CCDC27: variants seen among roughly 807,000 people sequenced by gnomAD.
The protein encoded by CCDC27 is coiled-coil domain-containing protein 27.
Under a neutral mutation model 80.3 loss-of-function variants are expected in CCDC27, and 80 were observed. The observed-to-expected ratio is 1.00, with a 90% CI of 0.83 to 1.20. The LOEUF (loss-of-function observed/expected upper bound fraction) is 1.20. Ranked by LOEUF, CCDC27 falls within the 50% of genes most tolerant of loss-of-function variation. The pLI is 0.00. For missense variants in CCDC27, 815 were observed against 809.4 expected, an observed-to-expected ratio of 1.01 and a Z score of -0.08; for synonymous variants, 342 against 334.3, an observed-to-expected ratio of 1.02 and a Z score of -0.25.
At chr1:3,757,921 CAA>C (rs779579669) in intron 4 of CCDC27, among the ~76,000 whole-genome samples, 38 of 68,062 alleles carry the variant, frequency 5.6e-4, no homozygotes, top group Non-Finnish European at 4.8e-4. Context: ...GACTCCATCT[CAA>C]AAAAAAAAAA....
Position 3,760,243 on chromosome 1 carries a change from A to C in CCDC27, c.712-1038A>C, listed in dbSNP as rs1643054802. 6.6e-6 allele frequency among the ~76,000 whole-genome samples: 1 copy of C among 152,156 alleles called. No homozygotes were observed. The highest frequency in any genetic ancestry group is 1.5e-5 in the Non-Finnish European group (1 of 68,026). On this transcript the variant is annotated intron_variant, in intron 4 of 11. Transcript: ENST00000294600. The surrounding 1 kb of genome is among the most constrained non-coding windows in gnomAD (Gnocchi z 4.3). ...TTTGTATTTCAGGCATAAAGTGGTA[A>C]GAATCCATACTACAAAGATTCCCAT... is the stretch of plus-strand genomic sequence containing the variant.
In CCDC27 at chr1:3,768,629, T is replaced by C. The variant is rs1643289155; in HGVS notation, c.1744-1154T>C. Among the ~76,000 whole-genome samples the C allele has an allele frequency of 6.6e-6, 1 of 152,184 alleles. No homozygotes were observed. Among genetic ancestry groups the C allele is most frequent in the South Asian group, 2.1e-4 (1 of 4,828 alleles). ...TGAAAGCGTTAGACCAGAGGCGGTC[T>C]AGGTGTGTCCATTTGTGCGCCAGCC... On this transcript the variant is annotated intron_variant, in intron 10 of 11. Transcript: ENST00000294600. This position sits in a 1 kb window ranked among gnomAD's most constrained non-coding sequence, Gnocchi z 5.6.
chr1:3,757,105 A>G, intron 4 of CCDC27: 1 of 498,682 alleles, frequency 2.0e-6, no homozygotes, highest in Non-Finnish European at 3.6e-6. Flanking sequence ...TTACGCCGGC[A>G]TGGAACTCAG....
At chr1:3,755,794 T>TA (rs1642938663) in intron 3 of CCDC27, 1 of 528,984 alleles carries the variant, frequency 1.9e-6, no homozygotes, top group Non-Finnish European at 3.4e-6. Flanking sequence ...TTGTCTTTAG[T>TA]AAAAATCGTA....
In CCDC27 at chr1:3,766,393, C is replaced by T. The variant is rs903658451; in HGVS notation, c.1453-142C>T. On this transcript the variant is annotated intron_variant, in intron 8 of 11. Transcript: ENST00000294600. The surrounding 1 kb of genome is among the most constrained non-coding windows in gnomAD (Gnocchi z 6.1). The stretch of plus-strand genomic sequence containing the variant: ...CAAAATATTTTTAGTCCTTTTTCTT[C>T]TTCTCTTCTCCCTGCCTTCAATAGA... 8.4e-6 allele frequency: 5 copies of T among 596,840 alleles called. No individual in the cohort carries two copies. In the African/African-American group the frequency reaches 9.4e-5, roughly 11 times the overall value. The allele number at this position is 596,840 out of a possible 1,614,324, so 37.0% of individuals were successfully genotyped here. A position where few individuals can be genotyped will look rare whatever the true frequency, so the allele number is the denominator to read the frequency against.
rs935670828 is a variant in CCDC27, at chr1:3,763,610, C to T, written c.1322-96C>T. On this transcript the variant is annotated intron_variant, in intron 7 of 11. Transcript: ENST00000294600. The surrounding 1 kb of genome is among the most constrained non-coding windows in gnomAD (Gnocchi z 7.5). ...GTGTCGGCAGCCTCACCCAGGCTGGCAGAGCCCTCCCAGCTGCCGCAGTGG... is the reference window on the plus strand; with the variant it reads ...GTGTCGGCAGCCTCACCCAGGCTGGTAGAGCCCTCCCAGCTGCCGCAGTGG... 5.1e-6 allele frequency: 8 copies of T among 1,572,586 alleles called. No homozygotes were observed. Among genetic ancestry groups the T allele is most frequent in the Non-Finnish European group, 6.9e-6 (8 of 1,151,952 alleles).
chr1:3,761,393 G>A lies in CCDC27; in HGVS notation c.824G>A (p.Gly275Asp), dbSNP rs1643082048. ...ATGCAGCTGAAATGCCTTCTGAAAG[G>A]CAAAGGCCAAGAGACATCCATGTCC... Reference protein sequence around the residue: ...LKMQLKCLLKGKGQETSMSPG... With the variant: ...LKMQLKCLLKDKGQETSMSPG... The change falls in exon 5 of 12, where the codon GGC (glycine) becomes GAC (aspartate). Residue 275 changes from glycine to aspartate, a missense_variant. Transcript: ENST00000294600. This position sits in a 1 kb window ranked among gnomAD's most constrained non-coding sequence, Gnocchi z 5.0. 1.9e-6 allele frequency: 3 copies of A among 1,613,976 alleles called. No individual in the cohort carries two copies. The highest frequency in any genetic ancestry group is 2.2e-5 in the South Asian group (2 of 91,090).
At position 3,752,590 on chromosome 1, in the gene CCDC27, C is replaced by G. The variant is rs777961873; in HGVS notation, c.109C>G (p.Leu37Val). The stretch of plus-strand genomic sequence containing the variant: ...GTCCACATTCAGGCAACAAAGCTCA[C>G]TTGGTCTTTGCATCCCACGCCTCAT... ...FRSTFRQQSS[L>V]GLCIPRLMLP... The change falls in exon 1 of 12, where the codon CTT (leucine) becomes GTT (valine). Residue 37 changes from leucine (L) to valine (V), a missense_variant. Physicochemically the swap from Leu to Val is conservative, Grantham distance 32. Coordinates refer to ENST00000294600, the MANE Select transcript of CCDC27 (RefSeq NM_152492.3). 1.9e-6 allele frequency: 3 copies of G among 1,614,224 alleles called. No individual in the cohort carries two copies. The East Asian group carries it at 6.7e-5, about 36-fold the overall frequency.
rs1643148199 is a variant in CCDC27, at chr1:3,763,554, T to C, written c.1321+80T>C. The C allele has an allele frequency of 6.5e-7, 1 of 1,545,976 alleles. No homozygotes were observed. The highest frequency in any genetic ancestry group is 1.4e-5 in the African/African-American group (1 of 73,150). On this transcript the variant is annotated intron_variant, in intron 7 of 11. Coordinates refer to ENST00000294600, the MANE Select transcript of CCDC27 (RefSeq NM_152492.3). The surrounding 1 kb of genome is among the most constrained non-coding windows in gnomAD (Gnocchi z 7.5). ...GGAGCTGGGACGCCCAGACGCTGCC[T>C]GCTCTGGTCAGTGAGCTGGAGCAGG...
intron 11 of CCDC27, among the ~76,000 whole-genome samples, chr1:3,770,869 C>T (rs1298151341): frequency 2.0e-5 from 3 of 152,142 alleles, no homozygotes; most frequent in East Asian, 3.9e-4. Flanking sequence ...TTATTCCCAC[C>T]GCACAGTAGC....
At chr1:3,754,264 G>A (rs770118510) in intron 2 of CCDC27, 23 bp downstream of exon 2, 8 of 1,556,138 alleles carry the variant, frequency 5.1e-6, no homozygotes, top group South Asian at 3.6e-5. Context: ...CACCAGGACC[G>A]CCTGTGAAAC....
chr1:3,752,976 T>C (rs1407345031), intron 1 of CCDC27, among the ~76,000 whole-genome samples, 177 bp downstream of exon 1: 2 of 152,212 alleles, frequency 1.3e-5, no homozygotes, highest in African/African-American at 4.8e-5. Flanking sequence ...GAAAGAGCCC[T>C]GCGGTCCTCT....
chr1:3,752,875 G>C (rs1471648536), intron 1 of CCDC27, 76 bp downstream of exon 1: 31 of 1,468,286 alleles, frequency 2.1e-5, no homozygotes, highest in Admixed American at 6.3e-5. Flanking sequence ...GGCCCATAGA[G>C]CTGTCAGCCC....
Position 3,763,364 on chromosome 1 carries a change from C to G in CCDC27, c.1211C>G (p.Ala404Gly). Residue 404 changes from alanine to glycine, a missense_variant, in exon 7 of 12, where the codon GCC becomes GGC. Physicochemically the swap from Ala to Gly is moderately conservative, Grantham distance 60 (BLOSUM62 0). Transcript: ENST00000294600. The surrounding 1 kb of genome is among the most constrained non-coding windows in gnomAD (Gnocchi z 7.5). ...EIPRRRASSL[A>G]ESFEEELLAQ... Reference sequence around the variant, plus strand: ...CCCAGGAGAAGGGCCTCCTCCCTGGCCGAGTCGTTTGAGGAGGAGCTGCTG... The same window carrying G: ...CCCAGGAGAAGGGCCTCCTCCCTGGGCGAGTCGTTTGAGGAGGAGCTGCTG... 1 of 1,612,964 alleles carries G rather than the reference C, an allele frequency of 6.2e-7. No individual in the cohort carries two copies.
chr1:3,756,697 G>T, intron 3 of CCDC27, 36 bp from the exon 4 acceptor site: 1 of 1,610,930 alleles, frequency 6.2e-7, no homozygotes, highest in Non-Finnish European at 8.5e-7. Context: ...GCAGGGAAGG[G>T]TCTCATTTCT....
intron 3 of CCDC27, chr1:3,755,853 T>C (rs780845673): frequency 2.3e-5 from 9 of 396,688 alleles, no homozygotes; most frequent in Non-Finnish European, 4.3e-5. Flanking sequence ...GATGGGTGCA[T>C]CCCTCACTGT....
In CCDC27 at chr1:3,762,826, G is replaced by C. The variant is rs1272981744; in HGVS notation, c.954+114G>C. 10 of 1,058,698 alleles carry C rather than the reference G, an allele frequency of 9.4e-6. No individual in the cohort carries two copies. In the East Asian group the frequency reaches 2.4e-4, roughly 25 times the overall value. 65.6% of individuals were successfully genotyped at this position (1,058,698 alleles called of 1,614,324 possible). A position where few individuals can be genotyped will look rare whatever the true frequency, so the allele number is the denominator to read the frequency against. ...GTGTCCCTGCTGCAGCCCTGACCTG[G>C]GGTGCCCCACTCCAGGGGAGCAGGT... On this transcript the variant is annotated intron_variant, in intron 6 of 11. Transcript: ENST00000294600.
At position 3,765,932 on chromosome 1, in the gene CCDC27, G is replaced by A. The variant is rs201833187; in HGVS notation, c.1453-603G>A. 7.3e-5 allele frequency among the ~76,000 whole-genome samples: 11 copies of A among 150,880 alleles called. No homozygotes were observed. In the East Asian group the frequency reaches 1.9e-3, roughly 27 times the overall value. On this transcript the variant is annotated intron_variant, in intron 8 of 11. Coordinates refer to ENST00000294600, the MANE Select transcript of CCDC27 (RefSeq NM_152492.3). Reference sequence around the variant, plus strand: ...CACCCAGGCTGGAGTTCAGTGGTGTGATCACAGCTCACTGCAGCCTCAGCC... The same window carrying A: ...CACCCAGGCTGGAGTTCAGTGGTGTAATCACAGCTCACTGCAGCCTCAGCC...
intron 9 of CCDC27, 61 bp from the exon 10 acceptor site, chr1:3,767,172 C>A: frequency 6.7e-7 from 1 of 1,489,780 alleles, no homozygotes; most frequent in Non-Finnish European, 9.3e-7. Flanking sequence ...TGGATGGGTG[C>A]CACACATACT....
Sources: allele counts gnomAD v4.1 joint callset (sites outside exome capture counted in the v4.1 genomes callset), GRCh38; gene constraint gnomAD v4.1.1; non-coding constraint Gnocchi (gnomAD v3.1); transcripts MANE v1.5; gene names NCBI Gene and HGNC (gene_info 2026-07-23, HGNC 2026-07-21).